CRACR2A: variants seen among roughly 807,000 people sequenced by gnomAD.
CRACR2A encodes calcium release activated channel regulator 2A.
CRACR2A carries 79 observed loss-of-function variants against 90.5 expected under a neutral mutation model. The observed-to-expected ratio is 0.87, with a 90% CI of 0.73 to 1.05. CRACR2A has a LOEUF of 1.05. CRACR2A is among the 50% of genes least tolerant of loss of function. The pLI is 0.00. For synonymous variants in CRACR2A, 338 were observed against 356.7 expected, an observed-to-expected ratio of 0.95 and a Z score of 0.59; for missense variants, 823 against 897.2, an observed-to-expected ratio of 0.92 and a Z score of 1.06.
At chr12:3,695,221 AACT>A (rs1192417592) in intron 4 of CRACR2A, among the ~76,000 whole-genome samples, 1 of 152,158 alleles carries the variant, frequency 6.6e-6, no homozygotes, top group Non-Finnish European at 1.5e-5. Context: ...CTGATTTTGA[AACT>A]ACTAACACCA....
chr12:3,744,163 G>A (rs10848918), intron 1 of CRACR2A, among the ~76,000 whole-genome samples: 26,544 of 152,154 alleles, frequency 0.17, 2,900 homozygotes, highest in African/African-American at 0.29. Flanking sequence ...GCCTTGGGAG[G>A]AATCCACGGT....
At chr12:3,643,827 TATAA>T (rs1944623828) in intron 12 of CRACR2A, among the ~76,000 whole-genome samples, 1 of 108,412 alleles carries the variant, frequency 9.2e-6, no homozygotes, top group African/African-American at 3.6e-5. Context: ...TTATATTATA[TATAA>T]ATATATATAA....
At chr12:3,640,019 TC>T (rs1944536248) in intron 13 of CRACR2A, among the ~76,000 whole-genome samples, 1 of 152,236 alleles carries the variant, frequency 6.6e-6, no homozygotes, top group South Asian at 2.1e-4. Context: ...GCATGTTTTT[TC>T]AAAGGCTTTG....
intron 1 of CRACR2A, among the ~76,000 whole-genome samples, chr12:3,748,191 AC>A (rs1946653699): frequency 1.3e-5 from 2 of 151,612 alleles, no homozygotes; most frequent in South Asian, 4.2e-4. Flanking sequence ...ACATTTTTCC[AC>A]CCCCAGGCAG....
chr12:3,646,295 T>G (rs1480680558), intron 11 of CRACR2A, among the ~76,000 whole-genome samples: 1 of 152,152 alleles, frequency 6.6e-6, no homozygotes, highest in Non-Finnish European at 1.5e-5. Flanking sequence ...CTTAGCAGTT[T>G]TGTGATTCTA....
chr12:3,687,338 C>T (rs1833305725), intron 4 of CRACR2A, among the ~76,000 whole-genome samples: 1 of 152,118 alleles, frequency 6.6e-6, no homozygotes, highest in African/African-American at 2.4e-5. Flanking sequence ...GATCCTCTCC[C>T]TTCTTCCATC....
intron 2 of CRACR2A, among the ~76,000 whole-genome samples, chr12:3,720,693 G>C (rs1461195677): frequency 1.3e-5 from 2 of 152,192 alleles, no homozygotes; most frequent in African/African-American, 4.8e-5. Flanking sequence ...CTTTTTGGAA[G>C]AGAGCCTGTG....
At chr12:3,706,446 C>G (rs1003860436) in intron 3 of CRACR2A, among the ~76,000 whole-genome samples, 2 of 152,228 alleles carry the variant, frequency 1.3e-5, no homozygotes, top group Non-Finnish European at 2.9e-5. Context: ...CACCCCTTCT[C>G]TGATAGGCCT....
chr12:3,620,537 G>A (rs1944110989), intron 17 of CRACR2A, among the ~76,000 whole-genome samples: 1 of 152,150 alleles, frequency 6.6e-6, no homozygotes, highest in Non-Finnish European at 1.5e-5. Context: ...CGTTTTTACT[G>A]CCATTTAATA....
intron 1 of CRACR2A, among the ~76,000 whole-genome samples, chr12:3,743,410 C>T (rs78240911): frequency 0.15 from 23,580 of 152,192 alleles, 2,026 homozygotes; most frequent in African/African-American, 0.2. Flanking sequence ...TCACCTGATA[C>T]GGCGTCGGCG....
intron 1 of CRACR2A, among the ~76,000 whole-genome samples, chr12:3,744,112 G>A (rs1032376834): frequency 3.3e-5 from 5 of 152,214 alleles, no homozygotes; most frequent in African/African-American, 1.2e-4. Flanking sequence ...CTGAGATGGT[G>A]ACCAAACCCC....
chr12:3,639,391 A>G (rs2137364967), intron 13 of CRACR2A, among the ~76,000 whole-genome samples: 1 of 151,482 alleles, frequency 6.6e-6, no homozygotes, highest in South Asian at 2.1e-4. Context: ...AGGTTTTGAG[A>G]GCAAAGGCCT....
intron 10 of CRACR2A, 54 bp from the exon 11 acceptor site, chr12:3,648,667 C>G: frequency 1.9e-6 from 3 of 1,578,068 alleles, no homozygotes; most frequent in Non-Finnish European, 2.6e-6. Context: ...GCCGGATGCC[C>G]GGACCCCTCA....
intron 4 of CRACR2A, among the ~76,000 whole-genome samples, chr12:3,684,910 C>T (rs1945525709): frequency 6.6e-6 from 1 of 152,212 alleles, no homozygotes; most frequent in Non-Finnish European, 1.5e-5. Flanking sequence ...GGAGAGCGGG[C>T]CACGCAGCTG....
intron 10 of CRACR2A, among the ~76,000 whole-genome samples, chr12:3,650,460 C>T (rs1263751202): frequency 6.6e-6 from 1 of 152,106 alleles, no homozygotes; most frequent in Non-Finnish European, 1.5e-5. Context: ...ATTTTATTAC[C>T]AATTATATTT....
At chr12:3,722,554 T>C (rs1272010602) in intron 2 of CRACR2A, among the ~76,000 whole-genome samples, 1 of 151,314 alleles carries the variant, frequency 6.6e-6, no homozygotes, top group Non-Finnish European at 1.5e-5. Context: ...GGAGGCCGTA[T>C]GGAGGTAGCA....
At chr12:3,720,806 C>T (rs1381605707) in intron 2 of CRACR2A, among the ~76,000 whole-genome samples, 1 of 152,244 alleles carries the variant, frequency 6.6e-6, no homozygotes, top group Non-Finnish European at 1.5e-5. Context: ...ATCTCACCCA[C>T]TCCCACCCAG....
At chr12:3,696,008 T>C (rs933290888) in intron 4 of CRACR2A, among the ~76,000 whole-genome samples, 22 of 152,324 alleles carry the variant, frequency 1.4e-4, no homozygotes, top group Non-Finnish European at 2.4e-4. Context: ...TTTTAAATGG[T>C]CAAAAAGAAA....
chr12:3,672,873 C>A (rs1370164575), intron 7 of CRACR2A: 1 of 908,832 alleles, frequency 1.1e-6, no homozygotes, highest in East Asian at 1.2e-4. Flanking sequence ...AGACATGAGG[C>A]CGTGACGGGA....
Sources: gnomAD v4.1 joint callset for allele counts (sites outside exome capture counted in the v4.1 genomes callset) on GRCh38, gnomAD v4.1.1 for gene constraint, MANE v1.5 for transcripts, NCBI Gene and HGNC (gene_info 2026-07-23, HGNC 2026-07-21) for gene names.